The following STIM2 variants were observed in gnomAD, a reference collection of about 807,000 sequenced individuals.
The protein encoded by STIM2 is stromal interaction molecule 2.
STIM2 carries 31 observed loss-of-function variants against 85.8 expected under a neutral mutation model. The observed-to-expected ratio is 0.36, with a 90% CI of 0.27 to 0.49. STIM2 has a LOEUF of 0.49. Among genes scored for constraint, STIM2 ranks in the 20% least tolerant of loss-of-function variants. The pLI, the probability that STIM2 is intolerant of heterozygous loss-of-function variation, is 0.98. For synonymous variants in STIM2, 356 were observed against 331.1 expected, an observed-to-expected ratio of 1.08 and a Z score of -0.82; for missense variants, 841 against 927.6, an observed-to-expected ratio of 0.91 and a Z score of 1.21.
intron 3 of STIM2, among the ~76,000 whole-genome samples, chr4:26,976,030 CT>C (rs1727173269): frequency 6.6e-6 from 1 of 152,214 alleles, no homozygotes; most frequent in Non-Finnish European, 1.5e-5. Flanking sequence ...GTGAGCAAGG[CT>C]TCGTGGGTGT....
intron 1 of STIM2, among the ~76,000 whole-genome samples, chr4:26,905,805 A>T (rs573627621): frequency 6.6e-6 from 1 of 152,324 alleles, no homozygotes; most frequent in Non-Finnish European, 1.5e-5. Flanking sequence ...CAAAACACAT[A>T]CATTAAGAAC....
intron 2 of STIM2, among the ~76,000 whole-genome samples, chr4:26,946,714 T>A (rs1278309952): frequency 1.3e-5 from 2 of 152,230 alleles, no homozygotes; most frequent in Non-Finnish European, 2.9e-5. Context: ...TTATATCCCT[T>A]AATCTTTAGA....
chr4:27,017,046 G>A (rs1728754896), intron 10 of STIM2, among the ~76,000 whole-genome samples: 2 of 152,144 alleles, frequency 1.3e-5, no homozygotes, highest in African/African-American at 2.4e-5. Flanking sequence ...AGTTATGTTC[G>A]TTCAGTTAAG....
At chr4:26,927,745 T>C (rs1725019227) in intron 2 of STIM2, among the ~76,000 whole-genome samples, 1 of 100,836 alleles carries the variant, frequency 9.9e-6, no homozygotes, top group Non-Finnish European at 1.9e-5. Context: ...CTTAGCCAAC[T>C]GCTAAACCCT....
Position 27,007,718 on chromosome 4 carries a change from A to G in STIM2, c.1149+18A>G. On this transcript the variant is annotated intron_variant, in intron 8 of 11. Transcript: ENST00000467087. The stretch of plus-strand genomic sequence containing the variant: ...AAGATGAGGTACTCTCTTGTATTTC[A>G]AAATTTACTAAATTTGTTTCTTAGG... The G allele has an allele frequency of 3.9e-6, 6 of 1,531,852 alleles. No individual in the cohort carries two copies. Among genetic ancestry groups the G allele is most frequent in the Non-Finnish European group, 5.3e-6 (6 of 1,141,206 alleles). 94.9% of individuals were successfully genotyped at this position (1,531,852 alleles called of 1,614,324 possible). A position where few individuals can be genotyped will look rare whatever the true frequency, so the allele number is the denominator to read the frequency against.
At chr4:26,937,005 C>T (rs1725417912) in intron 2 of STIM2, among the ~76,000 whole-genome samples, 1 of 151,976 alleles carries the variant, frequency 6.6e-6, no homozygotes, top group African/African-American at 2.4e-5. Flanking sequence ...CCAGGCTGGT[C>T]TGGAACTTCT....
rs540269653 is a variant in STIM2, at chr4:26,871,801, C to G, written c.151+10432C>G. Among the ~76,000 whole-genome samples the G allele has an allele frequency of 1.6e-4, 24 of 151,828 alleles. No homozygotes were observed. In the South Asian group the frequency reaches 4.6e-3, roughly 29 times the overall value. On this transcript the variant is annotated intron_variant, in intron 1 of 11. Coordinates refer to ENST00000467087, the MANE Select transcript of STIM2 (RefSeq NM_020860.4). ...TTAGGCAATCCTCCCACCTCGGCCC[C>G]GCAAAGTAATTAGATTATGAGTGTG...
Position 26,911,219 on chromosome 4 carries a change from A to G in STIM2, c.152-8285A>G, listed in dbSNP as rs565458584. ...GCCACTGCACTCTAGCCTGGGCGACAGTGTGTCTCAAAAAATAAATAAATA... is the reference window on the plus strand; with the variant it reads ...GCCACTGCACTCTAGCCTGGGCGACGGTGTGTCTCAAAAAATAAATAAATA... On this transcript the variant is annotated intron_variant, in intron 1 of 11. Transcript: ENST00000467087. Among the ~76,000 whole-genome samples the G allele has an allele frequency of 2.7e-5, 4 of 149,028 alleles. No homozygotes were observed. In the East Asian group the frequency reaches 7.7e-4, roughly 29 times the overall value.
At chr4:26,959,336 C>G (rs549018992) in intron 3 of STIM2, among the ~76,000 whole-genome samples, 1 of 152,120 alleles carries the variant, frequency 6.6e-6, no homozygotes, top group Non-Finnish European at 1.5e-5. Context: ...ACTCCATCAC[C>G]TCCTTTGTTA....
chr4:26,874,945 G>A (rs1369357595), intron 1 of STIM2, among the ~76,000 whole-genome samples: 2 of 152,218 alleles, frequency 1.3e-5, no homozygotes, highest in African/African-American at 4.8e-5. Flanking sequence ...TTTGCTACAT[G>A]CAGTATGTGA....
At chr4:26,941,338 G>T (rs1289559244) in intron 2 of STIM2, among the ~76,000 whole-genome samples, 8 of 151,990 alleles carry the variant, frequency 5.3e-5, no homozygotes. Context: ...GTAATCTCTT[G>T]CATTGCACTA....
intron 3 of STIM2, among the ~76,000 whole-genome samples, chr4:26,989,315 A>G (rs1244595148): frequency 6.7e-6 from 1 of 149,716 alleles, no homozygotes; most frequent in African/African-American, 2.4e-5. Context: ...TCAACACACA[A>G]ATCAATAAAT....
chr4:26,876,257 C>A (rs1215305376), intron 1 of STIM2, among the ~76,000 whole-genome samples: 1 of 152,126 alleles, frequency 6.6e-6, no homozygotes, highest in Non-Finnish European at 1.5e-5. Context: ...TAGAATTCTT[C>A]CTGTAGAGCC....
intron 7 of STIM2, among the ~76,000 whole-genome samples, chr4:27,004,016 A>C: frequency 6.6e-6 from 1 of 152,230 alleles, no homozygotes; most frequent in East Asian, 1.9e-4. Context: ...ACTCAGTTAT[A>C]AAGCAGGGGC....
chr4:26,921,085 T>C (rs1295712005), intron 2 of STIM2, among the ~76,000 whole-genome samples: 1 of 152,166 alleles, frequency 6.6e-6, no homozygotes, highest in East Asian at 1.9e-4. Context: ...TAATTCAATA[T>C]GACTAGTGTT....
At chr4:26,898,399 A>G (rs778091074) in intron 1 of STIM2, among the ~76,000 whole-genome samples, 2 of 152,150 alleles carry the variant, frequency 1.3e-5, no homozygotes, top group Admixed American at 6.5e-5. Flanking sequence ...TTGAATTACT[A>G]GGTTTGATCA....
chr4:26,944,577 G>C (rs1290523771), intron 2 of STIM2, among the ~76,000 whole-genome samples: 1 of 152,068 alleles, frequency 6.6e-6, no homozygotes, highest in Non-Finnish European at 1.5e-5. Context: ...TGTTAAAATA[G>C]AAGCCATTAC....
At position 27,009,264 on chromosome 4, in the gene STIM2, TTAAG is replaced by T. The variant is rs549983499; in HGVS notation, c.1489+264_1489+267del. On this transcript the variant is annotated intron_variant, in intron 10 of 11. Transcript: ENST00000467087. ...TCTGAATGCTTTATAAATTTGATTA[TTAAG>T]TGTTTATTTGAGCAACTGTTATATA... Among the ~76,000 whole-genome samples the T allele has an allele frequency of 2.1e-3, 326 of 152,302 alleles. 3 individuals are homozygous for T. The highest frequency in any genetic ancestry group is 2.6e-3 in the Non-Finnish European group (177 of 68,024).
intron 1 of STIM2, chr4:26,873,820 C>T (rs1722716220): frequency 4.5e-6 from 4 of 897,552 alleles, no homozygotes; most frequent in Middle Eastern, 2.3e-4. Context: ...AGGCAGACTC[C>T]CGCCTCAACC....
Sources: gnomAD v4.1 joint callset for allele counts (sites outside exome capture counted in the v4.1 genomes callset) on GRCh38, gnomAD v4.1.1 for gene constraint, MANE v1.5 for transcripts, NCBI Gene and HGNC (gene_info 2026-07-23, HGNC 2026-07-21) for gene names.